BRAF: variants seen among roughly 807,000 people sequenced by gnomAD.
BRAF encodes the protein serine/threonine-protein kinase B-raf.
In BRAF, 16 loss-of-function variants were observed where a neutral mutation model predicts 104.6. That is an observed-to-expected ratio of 0.15 (90% CI 0.10 to 0.23). The LOEUF is 0.23. BRAF is among the 10% of genes least tolerant of loss of function. The pLI is 1.00. For missense variants in BRAF, 541 were observed against 937.3 expected, an observed-to-expected ratio of 0.58 and a Z score of 5.52; for synonymous variants, 310 against 341.6, an observed-to-expected ratio of 0.91 and a Z score of 1.02.
At chr7:140,834,419 T>C in intron 3 of BRAF, 190 bp downstream of exon 3, 2 of 812,892 alleles carry the variant, frequency 2.5e-6, no homozygotes, top group Non-Finnish European at 3.8e-6. Context: ...CTAGAGACAA[T>C]ACCATTTATT....
intron 17 of BRAF, among the ~76,000 whole-genome samples, chr7:140,742,384 G>A (rs978379539): frequency 1.3e-5 from 2 of 151,852 alleles, no homozygotes; most frequent in African/African-American, 4.8e-5. Context: ...AGTAGAGATG[G>A]GGTTTCACCA....
At chr7:140,909,436 A>C (rs1563031898) in intron 1 of BRAF, among the ~76,000 whole-genome samples, 1 of 152,200 alleles carries the variant, frequency 6.6e-6, no homozygotes, top group African/African-American at 2.4e-5. Context: ...AAAATAAAAA[A>C]TAAATGTAAT....
At chr7:140,874,204 CTTTT>C (rs551211923) in intron 1 of BRAF, among the ~76,000 whole-genome samples, 1 of 137,604 alleles carries the variant, frequency 7.3e-6, no homozygotes, top group African/African-American at 2.7e-5. Flanking sequence ...ATTTTACATA[CTTTT>C]TTTTTTTTTT....
chr7:140,751,691 C>T (rs1797803476), intron 16 of BRAF, among the ~76,000 whole-genome samples: 1 of 152,152 alleles, frequency 6.6e-6, no homozygotes. Context: ...GTCCCCTCTT[C>T]CACCTTGCCA....
At chr7:140,870,832 A>G (rs1811494817) in intron 1 of BRAF, among the ~76,000 whole-genome samples, 1 of 151,880 alleles carries the variant, frequency 6.6e-6, no homozygotes, top group South Asian at 2.1e-4. Context: ...TTCTCCTAAC[A>G]AAAGACATTA....
intron 10 of BRAF, 61 bp from the exon 10 acceptor site, chr7:140,783,218 G>C: frequency 1.3e-6 from 2 of 1,588,296 alleles, no homozygotes; most frequent in Admixed American, 1.7e-5. Flanking sequence ...AATTTATCAG[G>C]GGTAGAAGGT....
At chr7:140,735,000 C>G (rs1796293055) in intron 18 of BRAF, among the ~76,000 whole-genome samples, 1 of 152,016 alleles carries the variant, frequency 6.6e-6, no homozygotes, top group African/African-American at 2.4e-5. Flanking sequence ...AGAAGAAACT[C>G]TCTCTGTAAA....
chr7:140,739,530 G>T (rs1173010569), intron 18 of BRAF, among the ~76,000 whole-genome samples: 2 of 128,006 alleles, frequency 1.6e-5, no homozygotes, highest in African/African-American at 6.2e-5. Flanking sequence ...GGGGGGGGGG[G>T]TCTTCGATAA....
At chr7:140,740,100 C>A in intron 17 of BRAF, 154 bp from the exon 17 acceptor site, 1 of 758,974 alleles carries the variant, frequency 1.3e-6, no homozygotes. Flanking sequence ...AATGCCACAT[C>A]ATAGATGGTG....
At chr7:140,909,842 C>CA (rs1305356144) in intron 1 of BRAF, among the ~76,000 whole-genome samples, 9 of 148,042 alleles carry the variant, frequency 6.1e-5, no homozygotes, top group South Asian at 2.1e-4. Context: ...ACAACAACAA[C>CA]AACAAAAAAG....
intron 1 of BRAF, among the ~76,000 whole-genome samples, chr7:140,852,241 T>C (rs970455326): frequency 2.0e-5 from 3 of 151,844 alleles, no homozygotes; most frequent in African/African-American, 7.3e-5. Flanking sequence ...TGGTGGTGCA[T>C]GCCTGTAGTC....
At chr7:140,852,580 T>C (rs1809300104) in intron 1 of BRAF, among the ~76,000 whole-genome samples, 1 of 152,186 alleles carries the variant, frequency 6.6e-6, no homozygotes, top group African/African-American at 2.4e-5. Context: ...ATGCCTTTGC[T>C]AATTTTTCAT....
chr7:140,824,243 T>G (rs1391092907), intron 3 of BRAF: 1 of 152,242 alleles, frequency 6.6e-6, no homozygotes, highest in Non-Finnish European at 1.5e-5. Flanking sequence ...GATGCTTTTC[T>G]CCTATGTTTT....
intron 17 of BRAF, among the ~76,000 whole-genome samples, chr7:140,743,125 G>C (rs1453831836): frequency 6.6e-6 from 1 of 151,624 alleles, no homozygotes; most frequent in East Asian, 1.9e-4. Context: ...ACTGTTGGTG[G>C]GACTGTAAAC....
chr7:140,769,802 C>T (rs568282213), intron 14 of BRAF, among the ~76,000 whole-genome samples: 9 of 152,032 alleles, frequency 5.9e-5, no homozygotes, highest in Non-Finnish European at 7.4e-5. Context: ...CTCAAACTCC[C>T]GGCCTCAAGT....
At chr7:140,783,388 A>C (rs996281665) in intron 10 of BRAF, 3 of 466,290 alleles carry the variant, frequency 6.4e-6, no homozygotes, top group African/African-American at 5.9e-5. Flanking sequence ...GATGATAGAC[A>C]TAGACACATA....
chr7:140,906,639 A>G (rs757182521), intron 1 of BRAF, among the ~76,000 whole-genome samples: 3 of 152,212 alleles, frequency 2.0e-5, no homozygotes, highest in African/African-American at 7.2e-5. Flanking sequence ...TGTATACTTC[A>G]TAATTTCCTT....
At chr7:140,831,656 A>G (rs1806765074) in intron 3 of BRAF, among the ~76,000 whole-genome samples, 1 of 152,230 alleles carries the variant, frequency 6.6e-6, no homozygotes, top group Non-Finnish European at 1.5e-5. Context: ...CTCAGGACTC[A>G]GCAACCCATT....
chr7:140,809,133 A>G, intron 3 of BRAF, 138 bp from the exon 4 acceptor site: 1 of 658,018 alleles, frequency 1.5e-6, no homozygotes, highest in Non-Finnish European at 2.7e-6. Flanking sequence ...TCTACAGCTA[A>G]CTTAATACTA....
Sources: allele counts gnomAD v4.1 joint callset (sites outside exome capture counted in the v4.1 genomes callset), GRCh38; gene constraint gnomAD v4.1.1; transcripts MANE v1.5; gene names NCBI Gene and HGNC (gene_info 2026-07-23, HGNC 2026-07-21).